PTPRD: variants seen among roughly 807,000 people sequenced by gnomAD.
The protein encoded by PTPRD is protein tyrosine phosphatase receptor type D, also known as receptor-type tyrosine-protein phosphatase delta.
PTPRD carries 34 observed loss-of-function variants against 214.5 expected under a neutral mutation model. That is an observed-to-expected ratio of 0.16 (90% CI 0.12 to 0.21). PTPRD has a LOEUF of 0.21. PTPRD is among the 10% of genes least tolerant of loss of function. The pLI, the probability that PTPRD is intolerant of heterozygous loss-of-function variation, is 1.00. For synonymous variants in PTPRD, 1,128 were observed against 845.7 expected (o/e 1.33, Z -5.79); for missense variants, 2,545 against 2,398.7 (o/e 1.06, Z -1.27).
chr9:9,153,121 G>A (rs567101288), intron 10 of PTPRD, among the ~76,000 whole-genome samples: 26 of 152,284 alleles, frequency 1.7e-4, no homozygotes, highest in South Asian at 4.1e-4. Context: ...CCTCCTGTGC[G>A]TTCACGAAAT....
chr9:9,802,680 G>C (rs1245659195), intron 5 of PTPRD, among the ~76,000 whole-genome samples: 1 of 151,578 alleles, frequency 6.6e-6, no homozygotes, highest in Non-Finnish European at 1.5e-5. Flanking sequence ...TCCATACCCA[G>C]TATCCAGAAT....
At chr9:9,013,570 C>T (rs926659336) in intron 11 of PTPRD, among the ~76,000 whole-genome samples, 5 of 152,006 alleles carry the variant, frequency 3.3e-5, no homozygotes, top group Admixed American at 6.6e-5. Context: ...TCTTTCTTTC[C>T]GTGGGATAAA....
At chr9:10,014,314 G>A (rs1314421018) in intron 4 of PTPRD, among the ~76,000 whole-genome samples, 1 of 151,968 alleles carries the variant, frequency 6.6e-6, no homozygotes, top group Non-Finnish European at 1.5e-5. Context: ...TAATTAGGTT[G>A]CAAAGCCCAT....
At chr9:8,922,953 G>A (rs2098838147) in intron 11 of PTPRD, among the ~76,000 whole-genome samples, 1 of 151,642 alleles carries the variant, frequency 6.6e-6, no homozygotes, top group Non-Finnish European at 1.5e-5. Context: ...ATGAGCCACT[G>A]CACCTGGCCC....
Position 9,855,614 on chromosome 9 carries a change from A to G in PTPRD, c.-368+82893T>C, listed in dbSNP as rs577910122. Reference sequence around the variant, plus strand: ...ACGGAGGGAGCGCACAAGTAAACAAAGCGGGAACTGGAGTGCAGAAGCACT... The same window carrying G: ...ACGGAGGGAGCGCACAAGTAAACAAGGCGGGAACTGGAGTGCAGAAGCACT... On this transcript the variant is annotated intron_variant, in intron 5 of 45. Coordinates refer to ENST00000381196, the MANE Select transcript of PTPRD (RefSeq NM_002839.4). Among the ~76,000 whole-genome samples the G allele has an allele frequency of 6.6e-5, 10 of 152,276 alleles. No individual in the cohort carries two copies. The South Asian group carries it at 2.1e-3, about 32-fold the overall frequency.
At chr9:8,428,201 G>A (rs557235982) in intron 35 of PTPRD, among the ~76,000 whole-genome samples, 2 of 152,226 alleles carry the variant, frequency 1.3e-5, no homozygotes, top group African/African-American at 4.8e-5. Flanking sequence ...AAAGCCCGGA[G>A]TGGCAGGCAG....
At chr9:9,357,646 C>A (rs1369114443) in intron 9 of PTPRD, among the ~76,000 whole-genome samples, 3 of 150,700 alleles carry the variant, frequency 2.0e-5, no homozygotes, top group Non-Finnish European at 3.0e-5. Context: ...AAATATAGGT[C>A]TTTTGGCTAT....
intron 10 of PTPRD, among the ~76,000 whole-genome samples, chr9:9,095,377 A>C (rs545741507): frequency 6.6e-6 from 1 of 152,344 alleles, no homozygotes; most frequent in Admixed American, 6.5e-5. Context: ...TAAAAAGGCT[A>C]TTTGAACTAG....
chr9:10,448,195 A>C (rs2098812803), intron 2 of PTPRD, among the ~76,000 whole-genome samples: 1 of 152,066 alleles, frequency 6.6e-6, no homozygotes, highest in Non-Finnish European at 1.5e-5. Context: ...ATAGGGTGGA[A>C]AAATTCCTAA....
At chr9:9,591,361 G>T (rs1169269014) in intron 7 of PTPRD, among the ~76,000 whole-genome samples, 2 of 151,970 alleles carry the variant, frequency 1.3e-5, no homozygotes, top group Non-Finnish European at 2.9e-5. Flanking sequence ...ACCTCCAAAA[G>T]GAAGTGATTA....
intron 5 of PTPRD, among the ~76,000 whole-genome samples, chr9:9,799,096 TA>T (rs1306614306): frequency 6.6e-6 from 1 of 152,194 alleles, no homozygotes; most frequent in Non-Finnish European, 1.5e-5. Context: ...CTACACATTT[TA>T]AAATTCATTT....
chr9:9,154,860 A>C (rs1334573446), intron 10 of PTPRD, among the ~76,000 whole-genome samples: 1 of 152,208 alleles, frequency 6.6e-6, no homozygotes, highest in Non-Finnish European at 1.5e-5. Flanking sequence ...AAAGATTTTT[A>C]ACCAGTAAAA....
intron 11 of PTPRD, among the ~76,000 whole-genome samples, chr9:8,870,126 T>TAA (rs5896269): frequency 8.0e-5 from 11 of 137,576 alleles, no homozygotes; most frequent in Non-Finnish European, 3.2e-5. Context: ...TTCCATCAGT[T>TAA]AAAAAAAAAA....
At chr9:8,921,826 T>A (rs1219903302) in intron 11 of PTPRD, among the ~76,000 whole-genome samples, 1 of 152,156 alleles carries the variant, frequency 6.6e-6, no homozygotes. Context: ...AAGTCCAGCA[T>A]AATCTTGGGG....
chr9:9,772,782 G>A (rs1203246044), intron 5 of PTPRD, among the ~76,000 whole-genome samples: 1 of 152,032 alleles, frequency 6.6e-6, no homozygotes, highest in African/African-American at 2.4e-5. Context: ...CATTGCTGGT[G>A]GCACTATAAA....
At chr9:9,345,240 T>C (rs1231933079) in intron 9 of PTPRD, among the ~76,000 whole-genome samples, 1 of 152,044 alleles carries the variant, frequency 6.6e-6, no homozygotes, top group African/African-American at 2.4e-5. Flanking sequence ...ATATTATTTC[T>C]TAAAATTTTA....
At chr9:9,074,620 T>C (rs1013777499) in intron 10 of PTPRD, among the ~76,000 whole-genome samples, 3 of 152,184 alleles carry the variant, frequency 2.0e-5, no homozygotes, top group East Asian at 3.9e-4. Flanking sequence ...ATCAGTGATG[T>C]TAAGCACCTT....
intron 3 of PTPRD, among the ~76,000 whole-genome samples, chr9:10,298,175 T>A (rs1367680562): frequency 6.6e-6 from 1 of 152,082 alleles, no homozygotes; most frequent in African/African-American, 2.4e-5. Flanking sequence ...CAAACAACAA[T>A]CTTCTTTATT....
chr9:9,771,291 A>C (rs746697322), intron 5 of PTPRD, among the ~76,000 whole-genome samples: 1 of 152,094 alleles, frequency 6.6e-6, no homozygotes, highest in Non-Finnish European at 1.5e-5. Flanking sequence ...AAGGTATCTG[A>C]TAGTTAACAC....
Sources: gnomAD v4.1 joint callset for allele counts (sites outside exome capture counted in the v4.1 genomes callset) on GRCh38, gnomAD v4.1.1 for gene constraint, MANE v1.5 for transcripts, NCBI Gene and HGNC (gene_info 2026-07-23, HGNC 2026-07-21) for gene names.